HIVEP1: variants seen among roughly 807,000 people sequenced by gnomAD.
The protein encoded by HIVEP1 is HIVEP zinc finger 1.
In HIVEP1, 36 loss-of-function variants were observed where a neutral mutation model predicts 180.0. The ratio of observed to expected loss-of-function variants is 0.20; its 90% CI spans 0.15 to 0.26. The LOEUF is 0.26. HIVEP1 is among the 10% of genes least tolerant of loss of function. HIVEP1 has a pLI of 1.00. For missense variants in HIVEP1, 3,143 were observed against 3,268.7 expected (o/e 0.96, Z 0.94); for synonymous variants, 1,239 against 1,239.0 (o/e 1.00, Z 0.00).
chr6:12,080,834 A>G (rs1772740308), intron 2 of HIVEP1, among the ~76,000 whole-genome samples: 1 of 152,202 alleles, frequency 6.6e-6, no homozygotes, highest in African/African-American at 2.4e-5. Flanking sequence ...GCTATTCCAC[A>G]GCTCATTATC....
At chr6:12,032,163 CAG>C (rs1276533427) in intron 2 of HIVEP1, among the ~76,000 whole-genome samples, 2 of 127,274 alleles carry the variant, frequency 1.6e-5, no homozygotes, top group Admixed American at 1.8e-4. Context: ...TTTTTTGAGA[CAG>C]AGTCTTGCTC....
intron 7 of HIVEP1, among the ~76,000 whole-genome samples, chr6:12,137,628 T>C (rs9470996): frequency 6.6e-6 from 1 of 151,098 alleles, no homozygotes; most frequent in Non-Finnish European, 1.5e-5. Context: ...TTTTTTACAG[T>C]GTTTGTCAAA....
At chr6:12,027,214 A>G (rs1488986991) in intron 2 of HIVEP1, among the ~76,000 whole-genome samples, 1 of 152,248 alleles carries the variant, frequency 6.6e-6, no homozygotes, top group Non-Finnish European at 1.5e-5. Flanking sequence ...CTGTTTGGGA[A>G]TAAATGAGAA....
intron 2 of HIVEP1, among the ~76,000 whole-genome samples, chr6:12,033,251 G>A (rs1004813019): frequency 5.3e-5 from 8 of 152,124 alleles, no homozygotes; most frequent in Non-Finnish European, 1.0e-4. Context: ...TGTATTAAAT[G>A]CATTTGACTT....
At chr6:12,031,908 G>A (rs866940537) in intron 2 of HIVEP1, among the ~76,000 whole-genome samples, 1 of 152,158 alleles carries the variant, frequency 6.6e-6, no homozygotes, top group Admixed American at 6.5e-5. Flanking sequence ...GGACCATGCT[G>A]TCCTCCTGCA....
chr6:12,179,610 A>G, the HIVEP1 span, among the ~76,000 whole-genome samples: 1 of 152,204 alleles, frequency 6.6e-6, no homozygotes, highest in Non-Finnish European at 1.5e-5. Context: ...CGTGGAACAC[A>G]AGGAGCTCAA....
In HIVEP1 at chr6:12,121,387, C is replaced by G; in HGVS notation, c.1592C>G (p.Ser531Ter). The G allele has an allele frequency of 6.2e-7, 1 of 1,614,118 alleles. No homozygotes were observed. Among genetic ancestry groups the G allele is most frequent in the Non-Finnish European group, 8.5e-7 (1 of 1,180,032 alleles). The change falls in exon 4 of 9, where the codon TCA becomes TGA. Residue 531 changes from serine to a stop codon, truncating the protein, a stop_gained. Coordinates refer to ENST00000379388, the MANE Select transcript of HIVEP1 (RefSeq NM_002114.4). LOFTEE classifies it high-confidence loss of function. The surrounding 1 kb of genome is among the most constrained non-coding windows in gnomAD (Gnocchi z 5.3). Reference protein sequence around the residue: ...RMSNAETLLKSSFTPSSPENV... With the variant: ...RMSNAETLLK ...TCAAATGCTGAAACTTTACTAAAAT[C>G]AAGCTTCACTCCAAGCAGTCCAGAA... is the stretch of plus-strand genomic sequence containing the variant.
At chr6:12,027,023 A>G (rs563075553) in intron 2 of HIVEP1, among the ~76,000 whole-genome samples, 28 of 152,318 alleles carry the variant, frequency 1.8e-4, no homozygotes, top group Middle Eastern at 3.4e-3. Flanking sequence ...TTTTATAGAA[A>G]CATAGCCATG....
chr6:12,043,357 T>A (rs531227595), intron 2 of HIVEP1, among the ~76,000 whole-genome samples: 20 of 138,186 alleles, frequency 1.4e-4, no homozygotes, highest in African/African-American at 5.4e-4. Flanking sequence ...AAGTGAAAAT[T>A]TTTTTTTTTT....
chr6:12,101,277 G>A (rs1037167084), intron 3 of HIVEP1, among the ~76,000 whole-genome samples: 1 of 152,026 alleles, frequency 6.6e-6, no homozygotes, highest in Non-Finnish European at 1.5e-5. Flanking sequence ...AAGAAGGTTA[G>A]TATAACAAAT....
chr6:12,209,549 T>G, the HIVEP1 span, among the ~76,000 whole-genome samples: 1 of 152,234 alleles, frequency 6.6e-6, no homozygotes, highest in Non-Finnish European at 1.5e-5. Flanking sequence ...AAGGCAGAAA[T>G]TTTTGTCTGT....
chr6:12,036,596 A>G (rs2113660899), intron 2 of HIVEP1, among the ~76,000 whole-genome samples: 1 of 152,282 alleles, frequency 6.6e-6, no homozygotes, highest in Admixed American at 6.5e-5. Context: ...AGCAGCTAAC[A>G]ACACAGTATG....
chr6:12,109,785 CT>C (rs1774768184), intron 3 of HIVEP1, among the ~76,000 whole-genome samples: 1 of 152,214 alleles, frequency 6.6e-6, no homozygotes. Flanking sequence ...ATCATGAATG[CT>C]TTTAATGGCA....
In HIVEP1 at chr6:12,125,572, A is replaced by G. The variant is rs1758015318; in HGVS notation, c.5777A>G (p.Lys1926Arg). The change falls in exon 4 of 9, where the codon AAG (lysine) becomes AGG (arginine). Residue 1926 changes from lysine to arginine, a missense_variant. By Grantham distance (26) the Lys-to-Arg change is conservative (BLOSUM62 2). Coordinates refer to ENST00000379388, the MANE Select transcript of HIVEP1 (RefSeq NM_002114.4). ...ACTTCTCTTTCATTGTTTAACATCA[A>G]GGACACCCAGCAGCTGGCTTTCCCT... ...PVTSLSLFNIKDTQQLAFPSL... is the reference protein window; with the variant it reads ...PVTSLSLFNIRDTQQLAFPSL... 1 of 1,614,232 alleles carries G rather than the reference A, an allele frequency of 6.2e-7. No individual in the cohort carries two copies.
chr6:12,136,228 C>T (rs1248495979), intron 7 of HIVEP1, among the ~76,000 whole-genome samples: 1 of 152,098 alleles, frequency 6.6e-6, no homozygotes, highest in Admixed American at 6.5e-5. Flanking sequence ...TTACCTACTT[C>T]TCTACCCTTC....
In HIVEP1 at chr6:12,122,206, G is replaced by C; in HGVS notation, c.2411G>C (p.Ser804Thr). Residue 804 changes from serine (S) to threonine (T), a missense_variant, in exon 4 of 9, where the codon AGT becomes ACT. Physicochemically the swap from Ser to Thr is moderately conservative, Grantham distance 58. This residue lies in a region of HIVEP1 where 204 missense variants were observed against 243.7 expected (regional missense o/e 0.84). Transcript: ENST00000379388. ...TTAAAACCAGTGGGACGGAGAACAA[G>C]TTCAAGCTCTGATATACCGAAGTCA... ...FDLKPVGRRT[S>T]SSSDIPKSPF... is the part of the protein sequence containing the mutation. 1 of 1,614,210 alleles carries C rather than the reference G, an allele frequency of 6.2e-7. No homozygotes were observed. Among genetic ancestry groups the C allele is most frequent in the Non-Finnish European group, 8.5e-7 (1 of 1,180,034 alleles).
At chr6:12,203,993 C>A in the HIVEP1 span, among the ~76,000 whole-genome samples, 2 of 152,018 alleles carry the variant, frequency 1.3e-5, no homozygotes, top group Non-Finnish European at 2.9e-5. Flanking sequence ...AGGAGAATCA[C>A]TTGAACCTGG....
At chr6:12,104,803 A>G (rs1255179593) in intron 3 of HIVEP1, among the ~76,000 whole-genome samples, 1 of 151,852 alleles carries the variant, frequency 6.6e-6, no homozygotes, top group Admixed American at 6.6e-5. Flanking sequence ...ATTTTTTTCA[A>G]TTCTGTAATT....
intron 3 of HIVEP1, among the ~76,000 whole-genome samples, chr6:12,119,289 G>A (rs1388281672): frequency 1.3e-5 from 2 of 152,226 alleles, no homozygotes; most frequent in African/African-American, 4.8e-5. Flanking sequence ...TTGTCTCTTC[G>A]TGCTTCCTCA....
Sources: gnomAD v4.1 joint callset for allele counts (sites outside exome capture counted in the v4.1 genomes callset) on GRCh38, gnomAD v4.1.1 for gene constraint, gnomAD v4.1.1 regional missense constraint, Gnocchi (gnomAD v3.1) non-coding constraint, MANE v1.5 for transcripts, NCBI Gene and HGNC (gene_info 2026-07-23, HGNC 2026-07-21) for gene names.